Variants in SULT1A1 observed in about 807,000 individuals in gnomAD.
SULT1A1 encodes sulfotransferase 1A1.
A neutral mutation model predicts 36.8 loss-of-function variants in SULT1A1; 35 were observed. The observed-to-expected ratio is 0.95, with a 90% CI of 0.73 to 1.26. SULT1A1 has a LOEUF of 1.26. Ranked by LOEUF, SULT1A1 falls within the 50% of genes most tolerant of loss-of-function variation. The pLI, the probability that SULT1A1 is intolerant of heterozygous loss-of-function variation, is 0.00. For synonymous variants in SULT1A1, 119 were observed against 146.0 expected (o/e 0.82, Z 1.33); for missense variants, 309 against 383.0 (o/e 0.81, Z 1.61).
intron 2 of SULT1A1, among the ~76,000 whole-genome samples, chr16:28,616,781 G>T (rs1485986599): frequency 6.6e-6 from 1 of 152,066 alleles, no homozygotes; most frequent in Non-Finnish European, 1.5e-5. Context: ...GGTTTCCTCT[G>T]CTGCAATTAC....
chr16:28,606,454 G>A (rs1567304003), intron 6 of SULT1A1, among the ~76,000 whole-genome samples: 1 of 151,844 alleles, frequency 6.6e-6, no homozygotes, highest in Non-Finnish European at 1.5e-5. Flanking sequence ...TATGGGTGAG[G>A]ACCGTGATGG....
intron 6 of SULT1A1, 38 bp downstream of exon 6, chr16:28,606,723 A>G (rs2047206890): frequency 6.2e-7 from 1 of 1,606,826 alleles, no homozygotes; most frequent in Non-Finnish European, 8.5e-7. Context: ...GCCTGCCCCC[A>G]GGAGTCACAT....
intron 6 of SULT1A1, 105 bp from the exon 7 acceptor site, chr16:28,606,341 G>C: frequency 1.3e-6 from 2 of 1,574,986 alleles, no homozygotes; most frequent in African/African-American, 2.7e-5. Flanking sequence ...ACTTCTCCTA[G>C]AAACCCTGCA....
intron 6 of SULT1A1, 67 bp downstream of exon 6, chr16:28,606,694 T>A: frequency 1.3e-6 from 2 of 1,588,470 alleles, no homozygotes; most frequent in Non-Finnish European, 1.7e-6. Flanking sequence ...TGGGTGGCCT[T>A]GGCGGGTCCC....
chr16:28,623,119 C>CA (rs1567320890), intron 1 of SULT1A1: 1 of 1,546,220 alleles, frequency 6.5e-7, no homozygotes, highest in Admixed American at 2.0e-5. Flanking sequence ...GGTTCCCCCC[C>CA]CGGCCCCTCA....
chr16:28,608,238 C>G, intron 4 of SULT1A1, 53 bp downstream of exon 4: 2 of 1,604,256 alleles, frequency 1.2e-6, no homozygotes, highest in Non-Finnish European at 1.7e-6. Flanking sequence ...CTGCCTGCCT[C>G]AGCCTCCCAA....
In SULT1A1 at chr16:28,605,562, C is replaced by T. The variant is rs3020809; in HGVS notation, c.*259G>A. 3.2e-6 allele frequency: 2 copies of T among 623,556 alleles called. No homozygotes were observed. The highest frequency in any genetic ancestry group is 3.6e-5 in the African/African-American group (2 of 56,110). The allele number at this position is 623,556 out of a possible 1,614,324, so 38.6% of individuals were successfully genotyped here. On this transcript the variant is annotated 3_prime_UTR_variant, in exon 8 of 8. Transcript: ENST00000314752. The stretch of plus-strand genomic sequence containing the variant: ...GCTGGGATTACAGGCATGAGCCACT[C>T]TGCCTGGCCCACAATCATATTTTAT...
At chr16:28,617,188 G>C (rs1348327711) in intron 2 of SULT1A1, among the ~76,000 whole-genome samples, 1 of 151,786 alleles carries the variant, frequency 6.6e-6, no homozygotes, top group East Asian at 1.9e-4. Context: ...GCTCATTTTT[G>C]TATTTGTGGA....
Sources: gnomAD v4.1 joint callset for allele counts (sites outside exome capture counted in the v4.1 genomes callset) on GRCh38, gnomAD v4.1.1 for gene constraint, MANE v1.5 for transcripts, NCBI Gene and HGNC (gene_info 2026-07-23, HGNC 2026-07-21) for gene names.